Variants in VMP1 observed in about 807,000 individuals in gnomAD.
The protein encoded by VMP1 is ectopic P-granules autophagy protein 3 homolog.
Under a neutral mutation model 56.0 loss-of-function variants are expected in VMP1, and 11 were observed. That is an observed-to-expected ratio of 0.20 (90% confidence interval 0.12 to 0.32). The LOEUF is 0.32. VMP1 is among the 10% of genes least tolerant of loss of function. The pLI, the probability that VMP1 is intolerant of heterozygous loss-of-function variation, is 1.00. For missense variants in VMP1, 296 were observed against 490.3 expected, an observed-to-expected ratio of 0.60 and a Z score of 3.74; for synonymous variants, 149 against 165.0, an observed-to-expected ratio of 0.90 and a Z score of 0.74.
chr17:59,711,136 A>C (rs2033915485), intron 1 of VMP1, among the ~76,000 whole-genome samples: 1 of 99,746 alleles, frequency 1.0e-5, no homozygotes, highest in Non-Finnish European at 1.9e-5. Flanking sequence ...TTGCTCTTAC[A>C]AAAAAAAAAA....
chr17:59,826,735 A>G (rs548454525), intron 10 of VMP1, among the ~76,000 whole-genome samples: 9 of 152,340 alleles, frequency 5.9e-5, no homozygotes, highest in South Asian at 2.1e-4. Flanking sequence ...GATAGGATCA[A>G]TTCTGGAGTG....
In VMP1 at chr17:59,811,873, G is replaced by GT. The variant is rs1211344736; in HGVS notation, c.912+89dup. ...TGCTCATTCCTAAGTGAATTATTTA[G>GT]TTATTCTTTCTGCTTTTTTGGTTGG... On this transcript the variant is annotated intron_variant, in intron 9 of 11. Coordinates refer to ENST00000262291, the MANE Select transcript of VMP1 (RefSeq NM_030938.5). 7 of 982,444 alleles carry GT rather than the reference G, an allele frequency of 7.1e-6. No individual in the cohort carries two copies. The African/African-American group carries it at 1.2e-4, about 16-fold the overall frequency. 60.9% of individuals were successfully genotyped at this position (982,444 alleles called of 1,614,324 possible).
chr17:59,772,588 G>A (rs1191579058), intron 6 of VMP1, among the ~76,000 whole-genome samples: 1 of 151,852 alleles, frequency 6.6e-6, no homozygotes, highest in East Asian at 2.0e-4. Context: ...GGCCAACATA[G>A]TGAAACTCTG....
chr17:59,712,092 T>C (rs1409298133), intron 1 of VMP1, among the ~76,000 whole-genome samples: 2 of 152,226 alleles, frequency 1.3e-5, no homozygotes, highest in Non-Finnish European at 2.9e-5. Flanking sequence ...ATTGAATGAA[T>C]AGGTTTAAAT....
At chr17:59,711,414 A>C (rs2033929127) in intron 1 of VMP1, among the ~76,000 whole-genome samples, 1 of 108,346 alleles carries the variant, frequency 9.2e-6, no homozygotes, top group African/African-American at 2.5e-5. Flanking sequence ...TTTGGTGTGG[A>C]AATGAACTCT....
At chr17:59,776,802 G>C (rs1258166821) in intron 7 of VMP1, among the ~76,000 whole-genome samples, 2 of 152,172 alleles carry the variant, frequency 1.3e-5, no homozygotes. Context: ...GCAAGTTGAA[G>C]TGGAATAAAT....
At chr17:59,828,347 G>T (rs1399219715) in intron 10 of VMP1, among the ~76,000 whole-genome samples, 1 of 152,184 alleles carries the variant, frequency 6.6e-6, no homozygotes, top group Non-Finnish European at 1.5e-5. Flanking sequence ...TAGGGCAATT[G>T]CAGATTATTT....
intron 7 of VMP1, among the ~76,000 whole-genome samples, chr17:59,780,623 G>A (rs2036787344): frequency 6.6e-6 from 1 of 152,058 alleles, no homozygotes; most frequent in South Asian, 2.1e-4. Context: ...TTTCACTCTT[G>A]TTGCCCAGGC....
intron 10 of VMP1, 27 bp downstream of exon 10, chr17:59,817,800 T>C: frequency 6.5e-7 from 1 of 1,545,238 alleles, no homozygotes; most frequent in Non-Finnish European, 8.9e-7. Context: ...GGACTAATAT[T>C]AATATAATTA....
At chr17:59,797,291 C>G (rs1598408045) in intron 7 of VMP1, among the ~76,000 whole-genome samples, 1 of 148,218 alleles carries the variant, frequency 6.7e-6, no homozygotes, top group African/African-American at 2.5e-5. Flanking sequence ...GAGCCGAGAT[C>G]ACGCCATGCC....
At chr17:59,776,692 G>A (rs1387206144) in intron 7 of VMP1, among the ~76,000 whole-genome samples, 1 of 152,158 alleles carries the variant, frequency 6.6e-6, no homozygotes, top group African/African-American at 2.4e-5. Context: ...AGAAGCAGAT[G>A]GGTGAGACTT....
At chr17:59,800,493 A>G (rs1027971856) in intron 7 of VMP1, among the ~76,000 whole-genome samples, 1 of 152,244 alleles carries the variant, frequency 6.6e-6, no homozygotes, top group African/African-American at 2.4e-5. Flanking sequence ...AATTTCCATT[A>G]CACATGAGGA....
chr17:59,710,291 G>A (rs2033865643), intron 1 of VMP1, among the ~76,000 whole-genome samples: 1 of 152,216 alleles, frequency 6.6e-6, no homozygotes, highest in Non-Finnish European at 1.5e-5. Flanking sequence ...TTTAACAGAG[G>A]AGAAAATTAA....
At chr17:59,711,164 T>C (rs905125764) in intron 1 of VMP1, among the ~76,000 whole-genome samples, 1 of 152,038 alleles carries the variant, frequency 6.6e-6, no homozygotes, top group South Asian at 2.1e-4. Context: ...AAGCTGTTTG[T>C]AATTTTAATA....
Position 59,841,168 on chromosome 17 carries a change from T to G in VMP1, c.*1257T>G. The G allele has an allele frequency of 2.6e-6, 1 of 377,972 alleles. No homozygotes were observed. The highest frequency in any genetic ancestry group is 6.0e-6 in the Non-Finnish European group (1 of 166,634). 23.4% of individuals were successfully genotyped at this position (377,972 alleles called of 1,614,324 possible). Reference sequence around the variant, plus strand: ...CTTAACAGGCCAGAAATGCCTGGGTTTTTTTGGTTTGTTTTTGTTTTTGTT... The same window carrying G: ...CTTAACAGGCCAGAAATGCCTGGGTGTTTTTGGTTTGTTTTTGTTTTTGTT... On this transcript the variant is annotated 3_prime_UTR_variant, in exon 12 of 12. Coordinates refer to ENST00000262291, the MANE Select transcript of VMP1 (RefSeq NM_030938.5).
At chr17:59,797,228 C>T (rs2037470472) in intron 7 of VMP1, among the ~76,000 whole-genome samples, 1 of 148,828 alleles carries the variant, frequency 6.7e-6, no homozygotes, top group Non-Finnish European at 1.5e-5. Context: ...GTCCGAGCTA[C>T]TGGGGAGGCT....
intron 5 of VMP1, among the ~76,000 whole-genome samples, chr17:59,761,608 A>T (rs1367399006): frequency 6.6e-6 from 1 of 152,216 alleles, no homozygotes; most frequent in Non-Finnish European, 1.5e-5. Context: ...TTCTGGGTTG[A>T]ATGCTGAGTC....
At chr17:59,757,627 C>T (rs1217541747) in intron 5 of VMP1, among the ~76,000 whole-genome samples, 1 of 152,082 alleles carries the variant, frequency 6.6e-6, no homozygotes, top group African/African-American at 2.4e-5. Flanking sequence ...CAGACATACT[C>T]CTGCCTGGCC....
Position 59,792,992 on chromosome 17 carries a change from T to G in VMP1, c.715-15804T>G, listed in dbSNP as rs2037297975. Among the ~76,000 whole-genome samples the G allele has an allele frequency of 1.8e-5, 2 of 109,432 alleles. 1 individual carries two copies. The highest frequency in any genetic ancestry group is 4.5e-5 in the Non-Finnish European group (2 of 44,410). The allele number at this position is 109,432 out of a possible 152,430, so 71.8% of individuals were successfully genotyped here. ...TTGGAGCCCAGGAGTTCAAGACCAG[T>G]CTGGGCCAAATAGTAACACCTCCAT... On this transcript the variant is annotated intron_variant, in intron 7 of 11. Transcript: ENST00000262291.
Sources: gnomAD v4.1 joint callset for allele counts (sites outside exome capture counted in the v4.1 genomes callset) on GRCh38, gnomAD v4.1.1 for gene constraint, MANE v1.5 for transcripts, NCBI Gene and HGNC (gene_info 2026-07-23, HGNC 2026-07-21) for gene names.